HTATIP2: variants seen among roughly 807,000 people sequenced by gnomAD.
HTATIP2 encodes the protein HIV-1 Tat interactive protein 2, also known as protein HTATIP2.
In HTATIP2, 26 loss-of-function variants were observed where a neutral mutation model predicts 24.7. That is an observed-to-expected ratio of 1.05 (90% CI 0.77 to 1.46). HTATIP2 has a LOEUF of 1.46. HTATIP2 is among the 40% of genes most tolerant of loss of function. The pLI is 0.00. For missense variants in HTATIP2, 284 were observed against 289.6 expected (o/e 0.98, Z 0.14); for synonymous variants, 99 against 113.2 (o/e 0.87, Z 0.79).
At chr11:20,364,620 T>C (rs1360821517) in intron 1 of HTATIP2, among the ~76,000 whole-genome samples, 188 bp downstream of exon 1, 1 of 152,118 alleles carries the variant, frequency 6.6e-6, no homozygotes, top group Non-Finnish European at 1.5e-5. Context: ...CAGGTGTGCC[T>C]CCCTCCCGCT....
At chr11:20,382,273 C>T in intron 4 of HTATIP2, 34 bp downstream of exon 4, 2 of 1,239,546 alleles carry the variant, frequency 1.6e-6, no homozygotes, top group Non-Finnish European at 1.2e-6. Context: ...TGAGAGTATG[C>T]CACTGATGGT....
At chr11:20,370,293 C>CT (rs1383331722) in intron 2 of HTATIP2, among the ~76,000 whole-genome samples, 4 of 152,158 alleles carry the variant, frequency 2.6e-5, no homozygotes, top group Non-Finnish European at 5.9e-5. Context: ...CTGTATTGTC[C>CT]TGGAGTGAAG....
chr11:20,383,374 T>C lies in HTATIP2; in HGVS notation c.*169T>C. ...TCTGCATCAGTGGTTCAGAGCCTGGTTATACATATAGATCACTCAGGGAGC... is the reference window on the plus strand; with the variant it reads ...TCTGCATCAGTGGTTCAGAGCCTGGCTATACATATAGATCACTCAGGGAGC... On this transcript the variant is annotated 3_prime_UTR_variant, in exon 5 of 5. Transcript: ENST00000451739. 1 of 609,018 alleles carries C rather than the reference T, an allele frequency of 1.6e-6. No individual in the cohort carries two copies. Among genetic ancestry groups the C allele is most frequent in the South Asian group, 2.0e-5 (1 of 49,824 alleles). 37.7% of individuals were successfully genotyped at this position (609,018 alleles called of 1,614,324 possible). A position where few individuals can be genotyped will look rare whatever the true frequency, so the allele number is the denominator to read the frequency against.
chr11:20,379,595 G>A (rs2133278084), intron 3 of HTATIP2, among the ~76,000 whole-genome samples: 1 of 152,236 alleles, frequency 6.6e-6, no homozygotes, highest in Non-Finnish European at 1.5e-5. Context: ...CAGCTCTGGG[G>A]GCTTGGATCA....
Position 20,376,563 on chromosome 11 carries a change from G to T in HTATIP2, c.304-17G>T. The T allele has an allele frequency of 6.2e-7, 1 of 1,613,508 alleles. No homozygotes were observed. ...TTGCTGCTTTTTGGAAATAACTCAT[G>T]TCCTTTTCCCCCTTAGGAGGGATTT... is the stretch of plus-strand genomic sequence containing the variant. On this transcript the variant is annotated splice_polypyrimidine_tract_variant and intron_variant, in intron 2 of 4. Transcript: ENST00000451739.
intron 2 of HTATIP2, among the ~76,000 whole-genome samples, chr11:20,367,823 G>A (rs1163991052): frequency 6.6e-6 from 1 of 152,206 alleles, no homozygotes; most frequent in Non-Finnish European, 1.5e-5. Context: ...TGACGCAAAA[G>A]TCTTTTAACG....
Position 20,364,339 on chromosome 11 carries a change from C to T in HTATIP2, c.102C>T (p.Leu34=), listed in dbSNP as rs779372390. 2.7e-5 allele frequency: 43 copies of T among 1,613,608 alleles called. No homozygotes were observed. The highest frequency in any genetic ancestry group is 4.0e-5 in the African/African-American group (3 of 74,914). Residue 34 remains leucine (L), a synonymous_variant, in exon 1 of 5, where the codon CTC becomes CTT. Transcript: ENST00000451739. ...LGASGETGRV[L]LKEILEQGLF... ...CCAGCGGAGAAACCGGCAGAGTGCT[C>T]TTAAAGGAAATCCTGGAGCAGGGCC... is the stretch of plus-strand genomic sequence containing the variant.
At chr11:20,367,701 A>C in intron 2 of HTATIP2, 1 of 1,097,354 alleles carries the variant, frequency 9.1e-7, no homozygotes, top group Non-Finnish European at 1.1e-6. Flanking sequence ...TTTTCATGTC[A>C]AGCTTTAAAC....
chr11:20,382,942 C>G, intron 4 of HTATIP2, 38 bp from the exon 5 acceptor site: 1 of 1,503,704 alleles, frequency 6.7e-7, no homozygotes, highest in Non-Finnish European at 9.0e-7. Context: ...CCACCTCTTC[C>G]TCTGCTTTTC....
chr11:20,382,006 T>A (rs1414659521), intron 3 of HTATIP2, among the ~76,000 whole-genome samples, 172 bp from the exon 4 acceptor site: 1 of 152,254 alleles, frequency 6.6e-6, no homozygotes, highest in Admixed American at 6.5e-5. Flanking sequence ...GATTAAATGA[T>A]CTCTTCCTTA....
intron 1 of HTATIP2, among the ~76,000 whole-genome samples, chr11:20,366,718 C>A (rs1435703866): frequency 1.3e-5 from 2 of 152,024 alleles, no homozygotes; most frequent in Non-Finnish European, 2.9e-5. Flanking sequence ...ATTATCACCC[C>A]CATTTTACAG....
At chr11:20,365,172 C>T (rs775729435) in intron 1 of HTATIP2, among the ~76,000 whole-genome samples, 3 of 152,002 alleles carry the variant, frequency 2.0e-5, no homozygotes, top group East Asian at 1.9e-4. Flanking sequence ...TTAGTAGAGA[C>T]GAGACAAGGT....
At chr11:20,365,100 C>T (rs976630323) in intron 1 of HTATIP2, among the ~76,000 whole-genome samples, 5 of 151,712 alleles carry the variant, frequency 3.3e-5, no homozygotes, top group Non-Finnish European at 1.5e-5. Flanking sequence ...TCTTCTGCCT[C>T]AGCCTCCCGA....
intron 2 of HTATIP2, among the ~76,000 whole-genome samples, chr11:20,373,208 C>T (rs1592320032): frequency 1.3e-5 from 2 of 152,070 alleles, no homozygotes; most frequent in East Asian, 1.9e-4. Flanking sequence ...TCTGCAGCAG[C>T]GTGGGTGCTC....
At chr11:20,365,569 T>G (rs1053589342) in intron 1 of HTATIP2, among the ~76,000 whole-genome samples, 1 of 152,214 alleles carries the variant, frequency 6.6e-6, no homozygotes, top group Non-Finnish European at 1.5e-5. Flanking sequence ...TGTGAATGCC[T>G]TTGGTCCATC....
Position 20,375,166 on chromosome 11 carries a change from T to C in HTATIP2, c.304-1414T>C, listed in dbSNP as rs191888906. On this transcript the variant is annotated intron_variant, in intron 2 of 4. Coordinates refer to ENST00000451739, the MANE Select transcript of HTATIP2 (RefSeq NM_001098522.2). ...GTTCCTGTCTATATCATGAGGGGAC[T>C]GGATGTGATATTTCCTAAGGTACCT... Among the ~76,000 whole-genome samples, 593 of 152,268 alleles carry C rather than the reference T, an allele frequency of 3.9e-3. 7 individuals carry two copies. The highest frequency in any genetic ancestry group is 0.013 in the African/African-American group (553 of 41,548).
At chr11:20,381,872 T>C (rs899348687) in intron 3 of HTATIP2, among the ~76,000 whole-genome samples, 5 of 152,234 alleles carry the variant, frequency 3.3e-5, no homozygotes, top group Non-Finnish European at 5.9e-5. Context: ...GATATTCTTT[T>C]ATGATTGTAC....
intron 4 of HTATIP2, 94 bp downstream of exon 4, chr11:20,382,333 T>C (rs1421747821): frequency 2.7e-6 from 2 of 731,848 alleles, no homozygotes; most frequent in East Asian, 2.7e-5. Context: ...AGCTGAAATA[T>C]CTAAGATATG....
chr11:20,369,230 C>G (rs1217124092), intron 2 of HTATIP2, among the ~76,000 whole-genome samples: 7 of 152,178 alleles, frequency 4.6e-5, no homozygotes, highest in Admixed American at 4.6e-4. Flanking sequence ...TGTTCTGGGT[C>G]AGCAGCCCTC....
Sources: gnomAD v4.1 joint callset for allele counts (sites outside exome capture counted in the v4.1 genomes callset) on GRCh38, gnomAD v4.1.1 for gene constraint, MANE v1.5 for transcripts, NCBI Gene and HGNC (gene_info 2026-07-23, HGNC 2026-07-21) for gene names.